The following DLG1 variants were observed in gnomAD, a reference collection of about 807,000 sequenced individuals.
DLG1 encodes disks large homolog 1.
A neutral mutation model predicts 123.4 loss-of-function variants in DLG1; 42 were observed. That is an observed-to-expected ratio of 0.34 (90% CI 0.27 to 0.44). The LOEUF (loss-of-function observed/expected upper bound fraction) is 0.44. DLG1 is among the 20% of genes least tolerant of loss of function. DLG1 has a pLI of 1.00. For missense variants in DLG1, 942 were observed against 1,082.6 expected (o/e 0.87, Z 1.82); for synonymous variants, 317 against 356.2 (o/e 0.89, Z 1.24).
At chr3:197,225,265 C>T (rs959782033) in intron 4 of DLG1, among the ~76,000 whole-genome samples, 2 of 152,134 alleles carry the variant, frequency 1.3e-5, no homozygotes, top group Non-Finnish European at 2.9e-5. Flanking sequence ...GCTCTTTGTT[C>T]CATCTAATAT....
intron 4 of DLG1, among the ~76,000 whole-genome samples, chr3:197,218,194 T>C (rs1735040780): frequency 6.6e-6 from 1 of 152,186 alleles, no homozygotes; most frequent in Non-Finnish European, 1.5e-5. Context: ...GTATAGCAAA[T>C]ATCCAACACT....
chr3:197,248,020 G>A (rs1342935703), intron 4 of DLG1, among the ~76,000 whole-genome samples: 3 of 152,050 alleles, frequency 2.0e-5, no homozygotes, highest in Admixed American at 6.6e-5. Context: ...TAGGAGGGCC[G>A]CCATCAGAAG....
intron 4 of DLG1, among the ~76,000 whole-genome samples, chr3:197,201,483 G>A (rs1013441297): frequency 2.6e-5 from 4 of 152,242 alleles, no homozygotes; most frequent in African/African-American, 9.6e-5. Flanking sequence ...CGAAATCAAT[G>A]TACAGAAATC....
intron 5 of DLG1, chr3:197,183,713 C>T (rs1271405844): frequency 2.6e-6 from 4 of 1,550,422 alleles, no homozygotes; most frequent in Non-Finnish European, 3.5e-6. Flanking sequence ...CCCAGTGTTT[C>T]TGCTTTGGGC....
chr3:197,270,604 T>C (rs915873316), intron 4 of DLG1, among the ~76,000 whole-genome samples: 16 of 152,134 alleles, frequency 1.1e-4, no homozygotes, highest in African/African-American at 3.9e-4. Context: ...AATGTAGTGA[T>C]TTGGCAATGA....
chr3:197,190,912 G>A (rs909929796), intron 5 of DLG1, among the ~76,000 whole-genome samples: 3 of 152,016 alleles, frequency 2.0e-5, no homozygotes, highest in Non-Finnish European at 4.4e-5. Flanking sequence ...CGGGAGGCTG[G>A]GGCAGGAGAA....
At chr3:197,074,723 G>A (rs1438357468) in intron 18 of DLG1, among the ~76,000 whole-genome samples, 2 of 152,056 alleles carry the variant, frequency 1.3e-5, no homozygotes, top group African/African-American at 4.8e-5. Context: ...ATAACAAAGT[G>A]TGTCTAACAG....
chr3:197,225,600 T>C (rs527470152), intron 4 of DLG1, among the ~76,000 whole-genome samples: 190 of 152,292 alleles, frequency 1.2e-3, no homozygotes, highest in African/African-American at 4.2e-3. Context: ...TAGCAACACA[T>C]AAAAACCAAG....
chr3:197,282,870 A>T, intron 3 of DLG1, 25 bp from the exon 4 acceptor site: 1 of 1,363,128 alleles, frequency 7.3e-7, no homozygotes, highest in Non-Finnish European at 1.0e-6. Flanking sequence ...ATAAAAATTC[A>T]TAAGTATTTA....
At chr3:197,046,515 C>A (rs1163027579) in intron 24 of DLG1, among the ~76,000 whole-genome samples, 1 of 152,094 alleles carries the variant, frequency 6.6e-6, no homozygotes, top group African/African-American at 2.4e-5. Context: ...AAATGCAGAA[C>A]CTAAATCGAA....
intron 11 of DLG1, among the ~76,000 whole-genome samples, chr3:197,121,220 A>T (rs1776192896): frequency 6.6e-6 from 1 of 152,152 alleles, no homozygotes; most frequent in Non-Finnish European, 1.5e-5. Context: ...GACAACAGAG[A>T]CTAAAAATTA....
rs567535812 is a variant in DLG1 at position 197,276,670 on chromosome 3, T to C, written c.318+6009A>G. Among the ~76,000 whole-genome samples the C allele has an allele frequency of 9.2e-5, 14 of 152,266 alleles. 1 individual carries two copies. In the South Asian group the frequency reaches 2.9e-3, roughly 32 times the overall value. On this transcript the variant is annotated intron_variant, in intron 4 of 24. Transcript: ENST00000667157. ...ACTGGAAATTAAAATTAATCCTTTT[T>C]CATATATGTGACAAATTTTCATCCT...
At chr3:197,051,433 C>T (rs1727642521) in intron 24 of DLG1, 144 bp downstream of exon 24, 1 of 576,190 alleles carries the variant, frequency 1.7e-6, no homozygotes, top group Non-Finnish European at 3.0e-6. Flanking sequence ...AAAAAAGGTT[C>T]CCCAGCACCA....
At chr3:197,230,668 G>T (rs1344316492) in intron 4 of DLG1, among the ~76,000 whole-genome samples, 1 of 152,080 alleles carries the variant, frequency 6.6e-6, no homozygotes, top group Non-Finnish European at 1.5e-5. Context: ...CAATCCCACT[G>T]ATTTTCAAAA....
chr3:197,249,282 C>T (rs1487454410), intron 4 of DLG1, among the ~76,000 whole-genome samples: 4 of 151,692 alleles, frequency 2.6e-5, no homozygotes, highest in Non-Finnish European at 5.9e-5. Flanking sequence ...AACTATATGC[C>T]AACAAATTTA....
chr3:197,260,863 G>A (rs1236844911), intron 4 of DLG1, among the ~76,000 whole-genome samples: 9 of 148,198 alleles, frequency 6.1e-5, no homozygotes, highest in Non-Finnish European at 1.0e-4. Flanking sequence ...TGACTTTCTC[G>A]AGCAGTAATG....
intron 17 of DLG1, among the ~76,000 whole-genome samples, chr3:197,078,918 T>G (rs192626059): frequency 4.5e-4 from 68 of 152,326 alleles, no homozygotes; most frequent in Admixed American, 2.4e-3. Flanking sequence ...TGTCTGATTC[T>G]TATTATCTTT....
intron 5 of DLG1, among the ~76,000 whole-genome samples, chr3:197,171,375 T>C (rs759450218): frequency 6.6e-6 from 1 of 152,194 alleles, no homozygotes; most frequent in African/African-American, 2.4e-5. Flanking sequence ...TAAGCCGGTA[T>C]AGTAAAAAAC....
chr3:197,177,656 C>A (rs1162870514), intron 5 of DLG1, among the ~76,000 whole-genome samples: 1 of 151,956 alleles, frequency 6.6e-6, no homozygotes, highest in Non-Finnish European at 1.5e-5. Context: ...CCCCATATGC[C>A]TCTATTTACT....
Sources: gnomAD v4.1 joint callset for allele counts (sites outside exome capture counted in the v4.1 genomes callset) on GRCh38, gnomAD v4.1.1 for gene constraint, MANE v1.5 for transcripts, NCBI Gene and HGNC (gene_info 2026-07-23, HGNC 2026-07-21) for gene names.